Variants in SPAM1 observed in about 807,000 individuals in gnomAD.
SPAM1 encodes the protein hyaluronidase PH-20.
SPAM1 carries 22 observed loss-of-function variants against 29.6 expected under a neutral mutation model. The ratio of observed to expected loss-of-function variants is 0.74; its 90% CI spans 0.53 to 1.06. The LOEUF (loss-of-function observed/expected upper bound fraction) is 1.06. Among genes scored for constraint, SPAM1 ranks in the 50% least tolerant of loss-of-function variants. SPAM1 has a pLI of 0.00. For synonymous variants in SPAM1, 194 were observed against 204.6 expected, an observed-to-expected ratio of 0.95 and a Z score of 0.44; for missense variants, 534 against 604.0, an observed-to-expected ratio of 0.88 and a Z score of 1.21.
chr7:123,940,064 A>G (rs1194833518), intron 1 of SPAM1, among the ~76,000 whole-genome samples: 2 of 149,366 alleles, frequency 1.3e-5, no homozygotes, highest in Non-Finnish European at 3.0e-5. Context: ...TCTGAATTAA[A>G]TCTGTTTTCA....
At chr7:123,946,098 T>C (rs2117046279) in intron 1 of SPAM1, among the ~76,000 whole-genome samples, 1 of 152,290 alleles carries the variant, frequency 6.6e-6, no homozygotes, top group East Asian at 1.9e-4. Context: ...GACAGCTCTC[T>C]ACCATCCTAG....
rs1210086667 is a variant in SPAM1 at position 123,953,790 on chromosome 7, T to C, written c.220T>C (p.Ser74Pro). The C allele has an allele frequency of 6.2e-7, 1 of 1,612,486 alleles. No homozygotes were observed. The highest frequency in any genetic ancestry group is 1.7e-5 in the Admixed American group (1 of 59,644). Residue 74 changes from serine (S) to proline (P), a missense_variant, in exon 3 of 5, where the codon TCT becomes CCT. Coordinates refer to ENST00000682466, the MANE Select transcript of SPAM1 (RefSeq NM_153189.3). ...TGAGCCACTAGATATGAGCCTCTTC[T>C]CTTTCATAGGAAGCCCCCGAATAAA... ...FDEPLDMSLFSFIGSPRINAT... is the reference protein window; with the variant it reads ...FDEPLDMSLFPFIGSPRINAT...
chr7:123,939,232 C>G (rs1294269591), intron 1 of SPAM1, among the ~76,000 whole-genome samples: 1 of 152,002 alleles, frequency 6.6e-6, no homozygotes, highest in African/African-American at 2.4e-5. Context: ...ACTACAGGCG[C>G]CCGCCATCAT....
At position 123,959,344 on chromosome 7, in the gene SPAM1, G is replaced by A. The variant is rs1306866817; in HGVS notation, c.1045-140G>A. On this transcript the variant is annotated intron_variant, in intron 4 of 4. Coordinates refer to ENST00000682466, the MANE Select transcript of SPAM1 (RefSeq NM_153189.3). ...AGTTGGAATAATCTTGTTGGTTAAG[G>A]TAAAAAAGAAATTATCTTCTACTTC... is the stretch of plus-strand genomic sequence containing the variant. 2.6e-5 allele frequency: 16 copies of A among 613,696 alleles called. No homozygotes were observed. In the East Asian group the frequency reaches 4.2e-4, roughly 16 times the overall value. 38.0% of individuals were successfully genotyped at this position (613,696 alleles called of 1,614,324 possible).
intron 4 of SPAM1, 134 bp downstream of exon 4, chr7:123,955,220 T>A: frequency 1.7e-6 from 1 of 586,896 alleles, no homozygotes; most frequent in South Asian, 2.0e-5. Flanking sequence ...TAATACTGGC[T>A]GAATCAAAAT....
chr7:123,935,690 G>A (rs1268291294), intron 1 of SPAM1, among the ~76,000 whole-genome samples: 1 of 152,158 alleles, frequency 6.6e-6, no homozygotes, highest in Non-Finnish European at 1.5e-5. Flanking sequence ...ACCCAAGTGT[G>A]TCAGCCTCCA....
At chr7:123,942,395 A>G (rs1310782093) in intron 1 of SPAM1, among the ~76,000 whole-genome samples, 1 of 152,218 alleles carries the variant, frequency 6.6e-6, no homozygotes, top group Non-Finnish European at 1.5e-5. Flanking sequence ...CTTAAAACAA[A>G]GGTCTCTGAG....
chr7:123,936,452 G>A (rs1808246801), intron 1 of SPAM1, among the ~76,000 whole-genome samples: 1 of 152,140 alleles, frequency 6.6e-6, no homozygotes, highest in Non-Finnish European at 1.5e-5. Context: ...TGGTACACAG[G>A]ACTTAAAAAA....
At chr7:123,966,693 T>C (rs1792429222) in intron 5 of SPAM1, among the ~76,000 whole-genome samples, 1 of 152,032 alleles carries the variant, frequency 6.6e-6, no homozygotes, top group Admixed American at 6.6e-5. Context: ...CCACATGTTC[T>C]TCTTACAAAT....
intron 1 of SPAM1, among the ~76,000 whole-genome samples, chr7:123,927,322 C>A (rs1341811069): frequency 1.3e-5 from 2 of 152,140 alleles, no homozygotes; most frequent in Non-Finnish European, 2.9e-5. Context: ...GTTGGGTAAG[C>A]CAAGAGCTGG....
At chr7:123,941,693 G>C (rs919899992) in intron 1 of SPAM1, among the ~76,000 whole-genome samples, 10 of 152,168 alleles carry the variant, frequency 6.6e-5, no homozygotes, top group East Asian at 3.9e-4. Context: ...TGGGAAGCAG[G>C]TTTGCCTGAC....
intron 1 of SPAM1, among the ~76,000 whole-genome samples, chr7:123,943,177 C>T (rs1252878725): frequency 6.6e-6 from 1 of 152,116 alleles, no homozygotes; most frequent in African/African-American, 2.4e-5. Flanking sequence ...GCGGTTTAGT[C>T]TATGCAGTTA....
intron 4 of SPAM1, among the ~76,000 whole-genome samples, chr7:123,957,071 G>A (rs1792262961): frequency 6.6e-6 from 1 of 151,922 alleles, no homozygotes; most frequent in Non-Finnish European, 1.5e-5. Context: ...AATGTTATTT[G>A]AACTTGGTAT....
chr7:123,958,041 G>T (rs1355671089), intron 4 of SPAM1, among the ~76,000 whole-genome samples: 1 of 151,968 alleles, frequency 6.6e-6, no homozygotes, highest in Non-Finnish European at 1.5e-5. Flanking sequence ...AATCACATCT[G>T]CAAAGTCTCT....
intron 2 of SPAM1, among the ~76,000 whole-genome samples, chr7:123,950,624 T>C (rs753269046): frequency 4.6e-5 from 7 of 152,168 alleles, no homozygotes; most frequent in Non-Finnish European, 7.3e-5. Flanking sequence ...TAGTATTCCA[T>C]AGTGTATATA....
chr7:123,948,393 G>A (rs1367526193), intron 1 of SPAM1, among the ~76,000 whole-genome samples: 1 of 152,068 alleles, frequency 6.6e-6, no homozygotes, highest in African/African-American at 2.4e-5. Context: ...GGGGCCTACC[G>A]CTCATGTGGA....
chr7:123,929,435 C>A (rs899003639), intron 1 of SPAM1, among the ~76,000 whole-genome samples: 1 of 152,072 alleles, frequency 6.6e-6, no homozygotes, highest in Non-Finnish European at 1.5e-5. Flanking sequence ...TACAGTATCA[C>A]CCTGGGTAGG....
chr7:123,955,857 C>T (rs898152310), intron 4 of SPAM1, among the ~76,000 whole-genome samples: 1 of 151,584 alleles, frequency 6.6e-6, no homozygotes, highest in South Asian at 2.1e-4. Context: ...AGGTATATGG[C>T]CCTTGGTAAA....
chr7:123,959,380 T>C lies in SPAM1; in HGVS notation c.1045-104T>C, dbSNP rs572703793. 49 of 716,888 alleles carry C rather than the reference T, an allele frequency of 6.8e-5. No individual in the cohort carries two copies. In the Middle Eastern group the frequency reaches 9.0e-4, roughly 13 times the overall value. The allele number at this position is 716,888 out of a possible 1,614,324, so 44.4% of individuals were successfully genotyped here. On this transcript the variant is annotated intron_variant, in intron 4 of 4. Transcript: ENST00000682466. ...ATTATCTTCTACTTCTTGCTATCTC[T>C]GGTTTTCATTCTTCTGTAAAAAAAT...
Sources: allele counts gnomAD v4.1 joint callset (sites outside exome capture counted in the v4.1 genomes callset), GRCh38; gene constraint gnomAD v4.1.1; transcripts MANE v1.5; gene names NCBI Gene and HGNC (gene_info 2026-07-23, HGNC 2026-07-21).